Variants in SERINC5 observed in about 807,000 individuals in gnomAD.
The protein encoded by SERINC5 is serine incorporator 5.
In SERINC5, 41 loss-of-function variants were observed where a neutral mutation model predicts 63.1. The ratio of observed to expected loss-of-function variants is 0.65; its 90% CI spans 0.51 to 0.84. The LOEUF is 0.84. SERINC5 is among the 40% of genes least tolerant of loss of function. The pLI is 0.00. For synonymous variants in SERINC5, 222 were observed against 215.2 expected, an observed-to-expected ratio of 1.03 and a Z score of -0.28; for missense variants, 523 against 573.0, an observed-to-expected ratio of 0.91 and a Z score of 0.89.
At chr5:80,253,210 TACTC>T (rs1220928989) in intron 1 of SERINC5, among the ~76,000 whole-genome samples, 1 of 152,194 alleles carries the variant, frequency 6.6e-6, no homozygotes, top group Non-Finnish European at 1.5e-5. Flanking sequence ...TGTCCCACTG[TACTC>T]ACTCCTACAG....
At chr5:80,233,026 T>A (rs1751522711) in intron 1 of SERINC5, among the ~76,000 whole-genome samples, 1 of 152,196 alleles carries the variant, frequency 6.6e-6, no homozygotes. Context: ...AACTAAGTTG[T>A]CATGATGGTT....
At chr5:80,166,793 T>C (rs901103294) in intron 6 of SERINC5, 7 of 216,398 alleles carry the variant, frequency 3.2e-5, no homozygotes, top group Non-Finnish European at 6.6e-5. Context: ...TAACATTAGT[T>C]CTTAAATCAC....
In SERINC5 at chr5:80,180,882, C is replaced by T. The variant is rs58086312; in HGVS notation, c.196-2818G>A. On this transcript the variant is annotated intron_variant, in intron 2 of 11. Coordinates refer to ENST00000507668, the MANE Select transcript of SERINC5 (RefSeq NM_001174072.3). ...TGTGAAATGTAACAGACTGCAATTC[C>T]GTGGACAGGGAGCTAGACTTAGATT... Among the ~76,000 whole-genome samples, 857 of 152,270 alleles carry T rather than the reference C, an allele frequency of 5.6e-3. 12 individuals carry two copies. Among genetic ancestry groups the T allele is most frequent in the African/African-American group, 0.02 (813 of 41,552 alleles).
chr5:80,143,686 G>T lies in SERINC5; in HGVS notation c.1363C>A (p.Pro455Thr), dbSNP rs755905558. 1 of 1,536,068 alleles carries T rather than the reference G, an allele frequency of 6.5e-7. No homozygotes were observed. The highest frequency in any genetic ancestry group is 8.7e-7 in the Non-Finnish European group (1 of 1,146,852). ...CATCACACAGAGAACTCCCGGGTGGGGCAGCAGAGGGGAGCGACCAGCGTA... is the reference window on the plus strand; with the variant it reads ...CATCACACAGAGAACTCCCGGGTGGTGCAGCAGAGGGGAGCGACCAGCGTA... ...LCTLVAPLCC[P>T]TREFSV Residue 455 changes from proline to threonine, a missense_variant, in exon 12 of 12, where the codon CCC becomes ACC. By Grantham distance (38) the Pro-to-Thr change is conservative (BLOSUM62 -1). Coordinates refer to ENST00000507668, the MANE Select transcript of SERINC5 (RefSeq NM_001174072.3).
At position 80,158,926 on chromosome 5, in the gene SERINC5, A is replaced by G. The variant is rs1746708702; in HGVS notation, c.896T>C (p.Val299Ala). The G allele has an allele frequency of 1.2e-6, 2 of 1,613,860 alleles. No individual in the cohort carries two copies. Among genetic ancestry groups the G allele is most frequent in the Non-Finnish European group, 1.7e-6 (2 of 1,179,814 alleles). ...GTACAGGTCTTGACCAAAGTCAGGC[A>G]CACAGATTGTAACATTTTTCCCATG... The part of the protein sequence containing the change: ...DEHGKNVTIC[V>A]PDFGQDLYRD... Residue 299 changes from valine (V) to alanine (A), a missense_variant, in exon 8 of 12, where the codon GTG (valine) becomes GCG (alanine). Coordinates refer to ENST00000507668, the MANE Select transcript of SERINC5 (RefSeq NM_001174072.3).
downstream of SERINC5, among the ~76,000 whole-genome samples, chr5:80,134,938 A>G (rs987560574): frequency 1.3e-5 from 2 of 152,266 alleles, no homozygotes; most frequent in African/African-American, 4.8e-5. Context: ...AATGTTTTTA[A>G]GAGAACTGAA....
chr5:80,171,937 AG>A (rs1468423579), intron 5 of SERINC5, among the ~76,000 whole-genome samples: 1 of 152,108 alleles, frequency 6.6e-6, no homozygotes, highest in African/African-American at 2.4e-5. Flanking sequence ...TAAATCCATG[AG>A]GTAATGAATA....
intron 2 of SERINC5, among the ~76,000 whole-genome samples, chr5:80,197,308 TGAGAGAGA>T (rs34195156): frequency 0.035 from 4,795 of 135,352 alleles, 127 homozygotes; most frequent in South Asian, 0.049. Flanking sequence ...ACTCCATCTG[TGAGAGAGA>T]GAGAGAGAGA....
At chr5:80,182,579 T>C (rs1748523035) in intron 2 of SERINC5, among the ~76,000 whole-genome samples, 1 of 134,738 alleles carries the variant, frequency 7.4e-6, no homozygotes, top group African/African-American at 2.7e-5. Context: ...AATTGAGACC[T>C]CTGTTGCCCA....
At chr5:80,235,300 TG>T (rs1444839951) in intron 1 of SERINC5, among the ~76,000 whole-genome samples, 1 of 152,222 alleles carries the variant, frequency 6.6e-6, no homozygotes, top group Admixed American at 6.5e-5. Flanking sequence ...AATATTCCAT[TG>T]TTAATTTCAT....
chr5:80,183,052 G>T (rs199794651), intron 2 of SERINC5, among the ~76,000 whole-genome samples: 1 of 152,216 alleles, frequency 6.6e-6, no homozygotes, highest in East Asian at 1.9e-4. Context: ...CACTACTGAA[G>T]CTAGAACACC....
chr5:80,209,805 AC>A (rs1162921519), intron 1 of SERINC5, among the ~76,000 whole-genome samples: 1 of 152,104 alleles, frequency 6.6e-6, no homozygotes, highest in Non-Finnish European at 1.5e-5. Flanking sequence ...TTTGGGAGGC[AC>A]CCAGCACTGG....
chr5:80,209,087 A>G (rs533707850), intron 1 of SERINC5, among the ~76,000 whole-genome samples: 163 of 152,290 alleles, frequency 1.1e-3, no homozygotes, highest in African/African-American at 3.7e-3. Context: ...CCTGGCCAAC[A>G]TGGCAACACC....
Position 80,202,461 on chromosome 5 carries a change from G to A in SERINC5, c.195+425C>T, listed in dbSNP as rs191081576. On this transcript the variant is annotated intron_variant, in intron 2 of 11. Transcript: ENST00000507668. Reference sequence around the variant, plus strand: ...GACAATGGAGACTCAGGGGCTGTGGGGCTGGGAAGGGGGTGGATGATGAGA... The same window carrying A: ...GACAATGGAGACTCAGGGGCTGTGGAGCTGGGAAGGGGGTGGATGATGAGA... 6.5e-3 allele frequency among the ~76,000 whole-genome samples: 984 copies of A among 152,206 alleles called. 6 individuals carry two copies. Among genetic ancestry groups the A allele is most frequent in the South Asian group, 0.014 (69 of 4,808 alleles).
chr5:80,173,948 G>A (rs1392931324), intron 5 of SERINC5, among the ~76,000 whole-genome samples: 1 of 151,838 alleles, frequency 6.6e-6, no homozygotes, highest in Admixed American at 6.6e-5. Flanking sequence ...AATTGACACT[G>A]TAAACCACAA....
At chr5:80,113,408 A>G (rs1344958688) in intron 12 of SERINC5, among the ~76,000 whole-genome samples, 2 of 152,086 alleles carry the variant, frequency 1.3e-5, no homozygotes, top group South Asian at 2.1e-4. Flanking sequence ...TGGCATAGCC[A>G]TTCATGTTTC....
In SERINC5 at chr5:80,122,457, G is replaced by A. The variant is rs568786282; in HGVS notation, c.1239-8832C>T. Among the ~76,000 whole-genome samples, 5 of 152,084 alleles carry A rather than the reference G, an allele frequency of 3.3e-5. No individual in the cohort carries two copies. The South Asian group carries it at 1.0e-3, about 32-fold the overall frequency. On this transcript the variant is annotated intron_variant, in intron 11 of 12. Transcript: ENST00000509193. ...GTGGGTCTGCCTTTCCCAGCCCACT[G>A]ACTCAAATGTTAATCCCTTTTGGCA...
At chr5:80,170,932 G>A (rs1177363006) in intron 5 of SERINC5, among the ~76,000 whole-genome samples, 3 of 152,284 alleles carry the variant, frequency 2.0e-5, no homozygotes, top group South Asian at 2.1e-4. Context: ...ACCTGAGCTC[G>A]GGTGGATGAA....
At position 80,233,351 on chromosome 5, in the gene SERINC5, C is replaced by T. The variant is rs186466361; in HGVS notation, c.27+22545G>A. Among the ~76,000 whole-genome samples, 534 of 152,208 alleles carry T rather than the reference C, an allele frequency of 3.5e-3. 3 individuals carry two copies. Among genetic ancestry groups the T allele is most frequent in the African/African-American group, 0.012 (509 of 41,536 alleles). The stretch of plus-strand genomic sequence containing the variant: ...CTGAGACAGGAGAATCACTTGAACC[C>T]GGGAGGCGGAGGTTGCGGTGAGCTG... On this transcript the variant is annotated intron_variant, in intron 1 of 11. Coordinates refer to ENST00000507668, the MANE Select transcript of SERINC5 (RefSeq NM_001174072.3).
Sources: allele counts gnomAD v4.1 joint callset (sites outside exome capture counted in the v4.1 genomes callset), GRCh38; gene constraint gnomAD v4.1.1; transcripts MANE v1.5; gene names NCBI Gene and HGNC (gene_info 2026-07-23, HGNC 2026-07-21).